The following DPP6 variants were observed in gnomAD, a reference collection of about 807,000 sequenced individuals.
DPP6 encodes the protein dipeptidyl peptidase like 6.
Under a neutral mutation model 122.6 loss-of-function variants are expected in DPP6, and 69 were observed. That is an observed-to-expected ratio of 0.56 (90% CI 0.46 to 0.69). The LOEUF (loss-of-function observed/expected upper bound fraction) is 0.69. Among genes scored for constraint, DPP6 ranks in the 30% least tolerant of loss-of-function variants. The pLI, the probability that DPP6 is intolerant of heterozygous loss-of-function variation, is 0.00. For synonymous variants in DPP6, 418 were observed against 433.1 expected (o/e 0.97, Z 0.43); for missense variants, 928 against 1,116.9 (o/e 0.83, Z 2.41).
intron 1 of DPP6, among the ~76,000 whole-genome samples, chr7:153,924,010 G>A (rs1270946427): frequency 1.3e-5 from 2 of 152,090 alleles, no homozygotes; most frequent in Non-Finnish European, 2.9e-5. Flanking sequence ...ATGAACATAC[G>A]TGTCTACAGT....
At chr7:154,477,142 G>A (rs1739667762) in intron 3 of DPP6, among the ~76,000 whole-genome samples, 1 of 152,092 alleles carries the variant, frequency 6.6e-6, no homozygotes, top group South Asian at 2.1e-4. Context: ...GTTAATCATT[G>A]CAGAGTTACT....
intron 1 of DPP6, among the ~76,000 whole-genome samples, chr7:154,155,101 C>T (rs1796615694): frequency 6.6e-6 from 1 of 151,992 alleles, no homozygotes; most frequent in Non-Finnish European, 1.5e-5. Context: ...GGTCGCAATA[C>T]CATTCTCATT....
chr7:154,228,505 CA>C (rs1393219281), intron 1 of DPP6, among the ~76,000 whole-genome samples: 1 of 152,074 alleles, frequency 6.6e-6, no homozygotes, highest in Non-Finnish European at 1.5e-5. Context: ...CGCTTGGGTT[CA>C]AATGGTGCCA....
At chr7:154,377,323 C>G (rs185337830) in intron 1 of DPP6, among the ~76,000 whole-genome samples, 1 of 152,200 alleles carries the variant, frequency 6.6e-6, no homozygotes, top group Admixed American at 6.5e-5. Flanking sequence ...AGGAAGTGGA[C>G]CACAATGGTG....
At chr7:154,410,892 A>G (rs1816539635) in intron 1 of DPP6, among the ~76,000 whole-genome samples, 1 of 152,256 alleles carries the variant, frequency 6.6e-6, no homozygotes, top group South Asian at 2.1e-4. Context: ...TTCTTTATAA[A>G]GAAAAAAGTA....
intron 10 of DPP6, among the ~76,000 whole-genome samples, chr7:154,778,286 C>A (rs57827093): frequency 1.1e-4 from 16 of 151,860 alleles, no homozygotes; most frequent in African/African-American, 3.9e-4. Context: ...TGTATTTGAC[C>A]AACCCACGGT....
chr7:154,453,539 A>C (rs1368924064), intron 2 of DPP6, among the ~76,000 whole-genome samples: 2 of 149,416 alleles, frequency 1.3e-5, no homozygotes, highest in Admixed American at 1.3e-4. Context: ...TATTTAACAT[A>C]AATATTATAT....
intron 6 of DPP6, among the ~76,000 whole-genome samples, chr7:154,661,772 G>C (rs1414848850): frequency 1.5e-5 from 2 of 134,364 alleles, no homozygotes; most frequent in Non-Finnish European, 1.6e-5. Context: ...TGGCCCTAGT[G>C]TTCACGCAGT....
chr7:154,519,013 A>T (rs1449951213), intron 3 of DPP6, among the ~76,000 whole-genome samples: 1 of 152,156 alleles, frequency 6.6e-6, no homozygotes, highest in South Asian at 2.1e-4. Context: ...TCTTACTTCC[A>T]CTTACTACAA....
rs1186694325 is a variant in DPP6, at chr7:154,063,442, G to C, written c.243+10379G>C. ...GGCTGTTGGTACCCCCATCGCAAGG[G>C]GGGGAGGCACCTCCCGCGAGGCAGG... is the stretch of plus-strand genomic sequence containing the variant. On this transcript the variant is annotated intron_variant, in intron 1 of 25. Transcript: ENST00000377770. Among the ~76,000 whole-genome samples, 46 of 108,414 alleles carry C rather than the reference G, an allele frequency of 4.2e-4. 9 individuals carry two copies. Among genetic ancestry groups the C allele is most frequent in the African/African-American group, 2.9e-4 (8 of 27,852 alleles). 71.1% of individuals were successfully genotyped at this position (108,414 alleles called of 152,430 possible).
intron 1 of DPP6, among the ~76,000 whole-genome samples, chr7:154,308,300 T>G (rs1216706890): frequency 8.0e-6 from 1 of 124,906 alleles, no homozygotes; most frequent in Non-Finnish European, 1.6e-5. Flanking sequence ...TTGTTTTTTT[T>G]CTACCGTGTT....
chr7:154,062,704 T>C (rs1350196629), intron 1 of DPP6, among the ~76,000 whole-genome samples: 1 of 65,554 alleles, frequency 1.5e-5, no homozygotes, highest in Non-Finnish European at 2.7e-5. Context: ...CTTCCGCACC[T>C]GGCTGTTGGT....
intron 7 of DPP6, among the ~76,000 whole-genome samples, chr7:154,691,847 G>GA (rs2131219989): frequency 6.6e-6 from 1 of 151,788 alleles, no homozygotes; most frequent in Admixed American, 6.6e-5. Flanking sequence ...ATAAATGAAA[G>GA]AAAAAAAGGA....
chr7:154,019,691 C>A lies in DPP6; in HGVS notation c.51+131957C>A, dbSNP rs546566578. On this transcript the variant is annotated intron_variant, in intron 1 of 25. Coordinates refer to the DPP6 transcript ENST00000404039. ...TAAAGAATTGTATCAAGAAGAAACACTTTTATAATGTGGCTGTCCCCAAAT... is the reference window on the plus strand; with the variant it reads ...TAAAGAATTGTATCAAGAAGAAACAATTTTATAATGTGGCTGTCCCCAAAT... Among the ~76,000 whole-genome samples, 10 of 152,302 alleles carry A rather than the reference C, an allele frequency of 6.6e-5. No individual in the cohort carries two copies. The South Asian group carries it at 1.2e-3, about 19-fold the overall frequency.
intron 1 of DPP6, among the ~76,000 whole-genome samples, chr7:154,297,797 G>T (rs747469291): frequency 6.6e-6 from 1 of 152,176 alleles, no homozygotes; most frequent in Admixed American, 6.5e-5. Context: ...GTTCCAGATT[G>T]TAGCAAGCAT....
chr7:153,961,514 G>A (rs1795350574), intron 1 of DPP6, among the ~76,000 whole-genome samples: 1 of 150,336 alleles, frequency 6.7e-6, no homozygotes, highest in South Asian at 2.1e-4. Flanking sequence ...CAGACTTTTT[G>A]GCACCAGGGA....
At chr7:153,791,786 G>A in the DPP6 span, among the ~76,000 whole-genome samples, 3 of 152,088 alleles carry the variant, frequency 2.0e-5, no homozygotes, top group Non-Finnish European at 4.4e-5. Flanking sequence ...AGCCTACTTA[G>A]TCCTATAATA....
intron 1 of DPP6, among the ~76,000 whole-genome samples, chr7:154,320,229 G>T (rs1240834212): frequency 6.6e-6 from 1 of 151,898 alleles, no homozygotes; most frequent in Admixed American, 6.6e-5. Context: ...CTTTGGAATG[G>T]CATGTGTGCT....
chr7:154,524,562 C>T (rs1827253622), intron 3 of DPP6, among the ~76,000 whole-genome samples: 1 of 152,154 alleles, frequency 6.6e-6, no homozygotes, highest in South Asian at 2.1e-4. Flanking sequence ...ATGACTGGAG[C>T]AACTCGGTTT....
Sources: gnomAD v4.1 joint callset for allele counts (sites outside exome capture counted in the v4.1 genomes callset) on GRCh38, gnomAD v4.1.1 for gene constraint, MANE v1.5 for transcripts, NCBI Gene and HGNC (gene_info 2026-07-23, HGNC 2026-07-21) for gene names.